The following NPAS3 variants were observed in gnomAD, a reference collection of about 807,000 sequenced individuals.
The protein encoded by NPAS3 is neuronal PAS domain protein 3.
NPAS3 carries 14 observed loss-of-function variants against 73.1 expected under a neutral mutation model. That is an observed-to-expected ratio of 0.19 (90% CI 0.13 to 0.30). The LOEUF is 0.30. Among genes scored for constraint, NPAS3 ranks in the 10% least tolerant of loss-of-function variants. NPAS3 has a pLI of 1.00. For synonymous variants in NPAS3, 620 were observed against 541.5 expected, an observed-to-expected ratio of 1.14 and a Z score of -2.01; for missense variants, 1,096 against 1,250.0, an observed-to-expected ratio of 0.88 and a Z score of 1.86.
intron 1 of NPAS3, among the ~76,000 whole-genome samples, chr14:33,000,732 A>G (rs1250825249): frequency 6.6e-6 from 1 of 152,224 alleles, no homozygotes; most frequent in Non-Finnish European, 1.5e-5. Context: ...ACAGATGGAT[A>G]GAGATATTTG....
At chr14:33,087,338 A>G (rs2042072433) in intron 2 of NPAS3, among the ~76,000 whole-genome samples, 1 of 151,348 alleles carries the variant, frequency 6.6e-6, no homozygotes, top group Non-Finnish European at 1.5e-5. Flanking sequence ...TGTCAGAATG[A>G]AATTAAGCCA....
intron 4 of NPAS3, among the ~76,000 whole-genome samples, chr14:33,548,550 T>C (rs1003860022): frequency 6.6e-6 from 1 of 152,158 alleles, no homozygotes; most frequent in Non-Finnish European, 1.5e-5. Flanking sequence ...GCAAATCCCT[T>C]GTAGGATGTG....
intron 3 of NPAS3, among the ~76,000 whole-genome samples, chr14:33,323,568 G>A (rs893971451): frequency 1.3e-5 from 2 of 152,162 alleles, no homozygotes; most frequent in Non-Finnish European, 2.9e-5. Flanking sequence ...TTTTAATGGG[G>A]CATCAATGTA....
At chr14:33,076,520 T>C (rs1057293580) in intron 2 of NPAS3, among the ~76,000 whole-genome samples, 1 of 152,222 alleles carries the variant, frequency 6.6e-6, no homozygotes, top group African/African-American at 2.4e-5. Flanking sequence ...ATGTGGTACT[T>C]ATATGAAAGC....
At chr14:33,774,627 T>C in intron 8 of NPAS3, 97 bp downstream of exon 8, 1 of 947,580 alleles carries the variant, frequency 1.1e-6, no homozygotes, top group Non-Finnish European at 1.6e-6. Context: ...CCAGTGAGGT[T>C]CATTCTAAAT....
At chr14:32,969,777 G>A (rs895788010) in intron 1 of NPAS3, among the ~76,000 whole-genome samples, 7 of 152,092 alleles carry the variant, frequency 4.6e-5, no homozygotes, top group East Asian at 1.9e-4. Context: ...ATGATAGGTC[G>A]TGGAATTAGT....
intron 6 of NPAS3, among the ~76,000 whole-genome samples, chr14:33,703,631 C>T (rs893206031): frequency 2.0e-5 from 3 of 151,970 alleles, no homozygotes; most frequent in African/African-American, 7.3e-5. Flanking sequence ...TGGTTAAAAT[C>T]TACAACTATC....
chr14:33,283,108 A>G (rs981680828), intron 3 of NPAS3, among the ~76,000 whole-genome samples: 2 of 152,230 alleles, frequency 1.3e-5, no homozygotes, highest in East Asian at 1.9e-4. Flanking sequence ...TACTGATTCT[A>G]TGTATCAAAC....
At chr14:32,982,552 GA>G (rs949802984) in intron 1 of NPAS3, among the ~76,000 whole-genome samples, 27 of 148,804 alleles carry the variant, frequency 1.8e-4, no homozygotes, top group South Asian at 6.4e-4. Context: ...TCTACGAAAA[GA>G]AAAAAAAAAT....
At chr14:33,514,919 C>G (rs1335776695) in intron 4 of NPAS3, among the ~76,000 whole-genome samples, 1 of 151,978 alleles carries the variant, frequency 6.6e-6, no homozygotes, top group Non-Finnish European at 1.5e-5. Flanking sequence ...AGTTAATGTC[C>G]TTTTGCACAG....
At chr14:33,192,805 C>A (rs1022199269) in intron 2 of NPAS3, among the ~76,000 whole-genome samples, 6 of 152,200 alleles carry the variant, frequency 3.9e-5, no homozygotes, top group African/African-American at 1.4e-4. Flanking sequence ...GTAGACAATT[C>A]TATCACAAGC....
intron 1 of NPAS3, among the ~76,000 whole-genome samples, chr14:33,039,899 TTG>T (rs1201492249): frequency 6.6e-6 from 1 of 152,174 alleles, no homozygotes; most frequent in Non-Finnish European, 1.5e-5. Flanking sequence ...CAAGGTATAT[TTG>T]TATGTTTCAG....
chr14:33,565,714 A>T (rs1228829125), intron 5 of NPAS3, among the ~76,000 whole-genome samples: 2 of 152,216 alleles, frequency 1.3e-5, no homozygotes, highest in Admixed American at 1.3e-4. Context: ...AAGACAAAAA[A>T]GGTATTATTT....
chr14:33,656,659 G>A (rs7156845), intron 5 of NPAS3, among the ~76,000 whole-genome samples: 81,405 of 151,966 alleles, frequency 0.54, 21,886 homozygotes, highest in African/African-American at 0.59. Flanking sequence ...GTGAACTGAG[G>A]TTACTCTAGT....
Position 33,656,926 on chromosome 14 carries a change from C to T in NPAS3, c.559-19285C>T, listed in dbSNP as rs546408217. On this transcript the variant is annotated intron_variant, in intron 5 of 11. Transcript: ENST00000356141. ...TATGTCAAAGAGATATCTGCCCTTT[C>T]GTGTTCATTGCAGCCTTATTCACAG... 5.9e-5 allele frequency among the ~76,000 whole-genome samples: 9 copies of T among 152,254 alleles called. No homozygotes were observed. In the South Asian group the frequency reaches 1.2e-3, roughly 21 times the overall value.
At chr14:33,074,712 G>A (rs1009971850) in intron 2 of NPAS3, among the ~76,000 whole-genome samples, 6 of 152,112 alleles carry the variant, frequency 3.9e-5, no homozygotes, top group African/African-American at 1.4e-4. Flanking sequence ...CCACGCGCTC[G>A]GCCAACACTT....
At position 32,976,133 on chromosome 14, in the gene NPAS3, G is replaced by C. The variant is rs117216205; in HGVS notation, c.50+36767G>C. On this transcript the variant is annotated intron_variant, in intron 1 of 11. Coordinates refer to ENST00000356141, the Ensembl canonical transcript of NPAS3. ...TGATTTATTAAGTCGGGCAAGAGTG[G>C]AGATTGGGAATCTAAAGGTACTCCA... Among the ~76,000 whole-genome samples, 864 of 152,208 alleles carry C rather than the reference G, an allele frequency of 5.7e-3. 9 individuals carry two copies. The highest frequency in any genetic ancestry group is 0.016 in the Admixed American group (240 of 15,266).
Position 33,368,623 on chromosome 14 carries a change from C to T in NPAS3, c.468+1355C>T, listed in dbSNP as rs1259377651. On this transcript the variant is annotated intron_variant, in intron 4 of 11. Transcript: ENST00000356141. ...TTATTTCTTGTTTATCCATTAATAT[C>T]TGTTAATATCTCATAGAACTGATGT... is the stretch of plus-strand genomic sequence containing the variant. Among the ~76,000 whole-genome samples the T allele has an allele frequency of 2.0e-5, 3 of 152,150 alleles. No individual in the cohort carries two copies. In the East Asian group the frequency reaches 5.8e-4, roughly 29 times the overall value.
chr14:33,258,024 TC>T (rs2048840329), intron 3 of NPAS3, among the ~76,000 whole-genome samples: 1 of 152,136 alleles, frequency 6.6e-6, no homozygotes, highest in Admixed American at 6.5e-5. Context: ...GGCTGACACT[TC>T]CGGAGAGTAG....
Sources: allele counts gnomAD v4.1 joint callset (sites outside exome capture counted in the v4.1 genomes callset), GRCh38; gene constraint gnomAD v4.1.1; transcripts MANE v1.5; gene names NCBI Gene and HGNC (gene_info 2026-07-23, HGNC 2026-07-21).